Variants in KCNMA1 observed in about 807,000 individuals in gnomAD.
The protein encoded by KCNMA1 is Calcium-activated potassium channel subunit alpha-1.
Under a neutral mutation model 140.0 loss-of-function variants are expected in KCNMA1, and 29 were observed. The observed-to-expected ratio is 0.21, with a 90% CI of 0.15 to 0.28. The LOEUF (loss-of-function observed/expected upper bound fraction) is 0.28, where lower values mean the gene tolerates loss of function less well. KCNMA1 is among the 10% of genes least tolerant of loss of function. KCNMA1 has a pLI of 1.00. For synonymous variants in KCNMA1, 612 were observed against 611.9 expected, an observed-to-expected ratio of 1.00 and a Z score of 0.00; for missense variants, 880 against 1,602.2, an observed-to-expected ratio of 0.55 and a Z score of 7.70.
At chr10:76,954,007 G>C in intron 20 of KCNMA1, 83 bp from the exon 21 acceptor site, 1 of 1,439,322 alleles carries the variant, frequency 6.9e-7, no homozygotes, top group Non-Finnish European at 9.6e-7. Flanking sequence ...ACATCTCAGA[G>C]GATGTGAAAG....
intron 1 of KCNMA1, among the ~76,000 whole-genome samples, chr10:77,580,330 G>A (rs917487783): frequency 1.3e-5 from 2 of 148,940 alleles, no homozygotes; most frequent in Admixed American, 6.7e-5. Flanking sequence ...GCAGTGAGCC[G>A]AGATGGCGCC....
At chr10:76,962,261 G>T (rs554148404) in intron 20 of KCNMA1, among the ~76,000 whole-genome samples, 4 of 152,270 alleles carry the variant, frequency 2.6e-5, no homozygotes, top group East Asian at 1.9e-4. Flanking sequence ...CAAAAAACCA[G>T]CCAAACACAC....
intron 14 of KCNMA1, among the ~76,000 whole-genome samples, chr10:77,046,589 G>A (rs76780134): frequency 0.018 from 2,724 of 152,280 alleles, 35 homozygotes; most frequent in South Asian, 0.051. Flanking sequence ...TTGCTGAAAA[G>A]TACGATGTTA....
rs1373383085 is a variant in KCNMA1, at chr10:77,373,037, A to G, written c.540+30825T>C. 3 of 152,256 alleles carry G rather than the reference A, an allele frequency of 2.0e-5. No individual in the cohort carries two copies. The East Asian group carries it at 5.8e-4, about 29-fold the overall frequency. The allele number at this position is 152,256 out of a possible 1,614,324, so 9.4% of individuals were successfully genotyped here. On this transcript the variant is annotated intron_variant, in intron 2 of 27. Coordinates refer to ENST00000286628, the MANE Select transcript of KCNMA1 (RefSeq NM_001161352.2). ...ATTAATGTGTAGGATTTTGCCTAGT[A>G]GAAATACAAATGTTTTCTGTTCAGG...
At chr10:77,456,046 C>T (rs1237205491) in intron 1 of KCNMA1, among the ~76,000 whole-genome samples, 1 of 152,232 alleles carries the variant, frequency 6.6e-6, no homozygotes, top group Non-Finnish European at 1.5e-5. Flanking sequence ...CTGTAGCTTC[C>T]AGCCACCTGC....
At chr10:77,578,314 A>G (rs2154562385) in intron 1 of KCNMA1, among the ~76,000 whole-genome samples, 1 of 152,332 alleles carries the variant, frequency 6.6e-6, no homozygotes, top group Non-Finnish European at 1.5e-5. Flanking sequence ...TGTGCCGCTG[A>G]TCAGCCCGGT....
intron 1 of KCNMA1, among the ~76,000 whole-genome samples, chr10:77,462,945 A>G (rs530316248): frequency 6.6e-6 from 1 of 152,262 alleles, no homozygotes; most frequent in South Asian, 2.1e-4. Context: ...TGCCTCTGCC[A>G]GAGGTGGGAG....
intron 3 of KCNMA1, among the ~76,000 whole-genome samples, chr10:77,240,315 T>C (rs2056945831): frequency 6.6e-6 from 1 of 152,224 alleles, no homozygotes. Flanking sequence ...AGATGATTTA[T>C]TGGTGTGGCA....
At chr10:77,152,922 C>T (rs2098440872) in intron 5 of KCNMA1, among the ~76,000 whole-genome samples, 1 of 152,166 alleles carries the variant, frequency 6.6e-6, no homozygotes, top group South Asian at 2.1e-4. Context: ...CACTGTACCT[C>T]CATTCACTGA....
At chr10:77,403,783 G>A in intron 2 of KCNMA1, 79 bp downstream of exon 2, 1 of 1,412,070 alleles carries the variant, frequency 7.1e-7, no homozygotes, top group Non-Finnish European at 9.7e-7. Flanking sequence ...AGACCCTGGG[G>A]AATATCACGT....
At chr10:77,544,027 C>T (rs2060816102) in intron 1 of KCNMA1, among the ~76,000 whole-genome samples, 1 of 152,028 alleles carries the variant, frequency 6.6e-6, no homozygotes, top group Non-Finnish European at 1.5e-5. Context: ...TTTAGATGTA[C>T]TTGTTTCCTC....
At chr10:77,368,261 T>C (rs1248165025) in intron 2 of KCNMA1, among the ~76,000 whole-genome samples, 3 of 152,248 alleles carry the variant, frequency 2.0e-5, no homozygotes, top group Non-Finnish European at 2.9e-5. Flanking sequence ...CATCTCATCA[T>C]TGCTTACACT....
At chr10:77,252,827 T>A (rs1164225271) in intron 2 of KCNMA1, among the ~76,000 whole-genome samples, 1 of 151,830 alleles carries the variant, frequency 6.6e-6, no homozygotes, top group Non-Finnish European at 1.5e-5. Flanking sequence ...AATCTCCATA[T>A]AAAGGGAGGT....
intron 1 of KCNMA1, among the ~76,000 whole-genome samples, chr10:77,491,753 A>ACACC (rs962644965): frequency 2.5e-4 from 35 of 139,980 alleles, no homozygotes; most frequent in African/African-American, 8.7e-4. Context: ...ACACACACAC[A>ACACC]CCCTACATAT....
chr10:76,967,920 C>T (rs1353584550), intron 20 of KCNMA1, among the ~76,000 whole-genome samples: 5 of 152,204 alleles, frequency 3.3e-5, no homozygotes, highest in Non-Finnish European at 7.3e-5. Context: ...GCAAGATCCA[C>T]TTTGAAAATT....
intron 2 of KCNMA1, among the ~76,000 whole-genome samples, chr10:77,360,590 C>T (rs1480937516): frequency 6.6e-6 from 1 of 152,192 alleles, no homozygotes; most frequent in Non-Finnish European, 1.5e-5. Context: ...CTCCCCGGAG[C>T]ACCTGGGACG....
chr10:76,886,885 C>A lies in KCNMA1; in HGVS notation c.*381G>T. ...TCAAAACCCAAAGCACCCTGATAAT[C>A]CTGATAAATCAGAATCAACTTTTCT... is the stretch of plus-strand genomic sequence containing the variant. On this transcript the variant is annotated 3_prime_UTR_variant, in exon 28 of 28. Transcript: ENST00000286628. The A allele has an allele frequency of 9.0e-7, 1 of 1,116,354 alleles. No homozygotes were observed. The highest frequency in any genetic ancestry group is 1.1e-6 in the Non-Finnish European group (1 of 907,400). The allele number at this position is 1,116,354 out of a possible 1,614,324, so 69.2% of individuals were successfully genotyped here.
intron 2 of KCNMA1, among the ~76,000 whole-genome samples, chr10:77,384,409 C>G (rs1566462411): frequency 6.6e-6 from 1 of 152,216 alleles, no homozygotes; most frequent in Admixed American, 6.5e-5. Flanking sequence ...TTCCCTGGTG[C>G]TCGGATCATT....
chr10:76,989,075 T>G (rs2082057289), intron 19 of KCNMA1, among the ~76,000 whole-genome samples: 1 of 152,160 alleles, frequency 6.6e-6, no homozygotes, highest in Non-Finnish European at 1.5e-5. Context: ...TATGAACTGG[T>G]CTGGGATAGC....
Sources: gnomAD v4.1 joint callset for allele counts (sites outside exome capture counted in the v4.1 genomes callset) on GRCh38, gnomAD v4.1.1 for gene constraint, MANE v1.5 for transcripts, NCBI Gene and HGNC (gene_info 2026-07-23, HGNC 2026-07-21) for gene names.